WDR75: variants seen among roughly 807,000 people sequenced by gnomAD.
WDR75 encodes WD repeat domain 75.
In WDR75, 52 loss-of-function variants were observed where a neutral mutation model predicts 106.1. The observed-to-expected ratio is 0.49, with a 90% CI of 0.39 to 0.62. WDR75 has a LOEUF of 0.62. Among genes scored for constraint, WDR75 ranks in the 20% least tolerant of loss-of-function variants. The probability of loss-of-function intolerance (pLI) is 0.00; values close to 1 mark genes in which losing one functional copy is unlikely to be tolerated. For missense variants in WDR75, 905 were observed against 970.3 expected (o/e 0.93, Z 0.89); for synonymous variants, 333 against 335.5 (o/e 0.99, Z 0.08).
In WDR75 at chr2:189,465,048, T is replaced by A. The variant is rs1434890602; in HGVS notation, c.1114-31T>A. On this transcript the variant is annotated intron_variant, in intron 11 of 20. Coordinates refer to ENST00000314761, the MANE Select transcript of WDR75 (RefSeq NM_032168.3). ...ATTTGTGTATTTATGTTAATAAACA[T>A]TTTGGTTTTTTGGTTTTTTTTACTC... is the stretch of plus-strand genomic sequence containing the variant. 6 of 1,454,160 alleles carry A rather than the reference T, an allele frequency of 4.1e-6. No homozygotes were observed. The East Asian group carries it at 1.4e-4, about 33-fold the overall frequency. 90.1% of individuals were successfully genotyped at this position (1,454,160 alleles called of 1,614,324 possible). A position where few individuals can be genotyped will look rare whatever the true frequency, so the allele number is the denominator to read the frequency against.
At chr2:189,460,154 G>C (rs1686846499) in intron 8 of WDR75, among the ~76,000 whole-genome samples, 2 of 152,152 alleles carry the variant, frequency 1.3e-5, no homozygotes, top group African/African-American at 2.4e-5. Context: ...CAGTTTATTT[G>C]ACTGGTTCTT....
chr2:189,444,860 A>G (rs1215065613), intron 1 of WDR75, among the ~76,000 whole-genome samples: 1 of 152,170 alleles, frequency 6.6e-6, no homozygotes, highest in Non-Finnish European at 1.5e-5. Context: ...TCTTGTATAT[A>G]ATCATACCAT....
At position 189,457,372 on chromosome 2, in the gene WDR75, C is replaced by A. The variant is rs1479093188; in HGVS notation, c.560C>A (p.Thr187Lys). ...YLSVYFFKKK[T>K]TSRFTLSSSR... ...TCTGTTTATTTTTTCAAAAAGAAAA[C>A]AACATCAAGGTAAGAATTATTTTTT... Residue 187 changes from threonine (T) to lysine (K), a missense_variant, in exon 6 of 21, where the codon ACA (threonine) becomes AAA (lysine). Thr to Lys is a moderately conservative substitution (Grantham distance 78, BLOSUM62 -1). Transcript: ENST00000314761. 1.3e-6 allele frequency: 2 copies of A among 1,590,120 alleles called. No individual in the cohort carries two copies. The highest frequency in any genetic ancestry group is 8.6e-7 in the Non-Finnish European group (1 of 1,160,110).
chr2:189,473,264 G>A (rs1687150919), intron 18 of WDR75, among the ~76,000 whole-genome samples: 1 of 151,882 alleles, frequency 6.6e-6, no homozygotes, highest in African/African-American at 2.4e-5. Flanking sequence ...TTCATTAAGT[G>A]GAAATAGATC....
At chr2:189,471,470 G>A (rs187038053) in intron 18 of WDR75, among the ~76,000 whole-genome samples, 119 of 152,268 alleles carry the variant, frequency 7.8e-4, no homozygotes, top group African/African-American at 2.6e-3. Flanking sequence ...TAGGCAGATT[G>A]TTTTTCCTTT....
rs1222207201 is a variant in WDR75 at position 189,473,934 on chromosome 2, G to A, written c.2050-252G>A. 2.0e-5 allele frequency among the ~76,000 whole-genome samples: 3 copies of A among 152,116 alleles called. No homozygotes were observed. The East Asian group carries it at 5.8e-4, about 29-fold the overall frequency. ...AAACCCTTTTGCTGTCATTTTTGTGGGATTTGGTGAAGAAGCAGTGGTAAA... is the reference window on the plus strand; with the variant it reads ...AAACCCTTTTGCTGTCATTTTTGTGAGATTTGGTGAAGAAGCAGTGGTAAA... On this transcript the variant is annotated intron_variant, in intron 18 of 20. Coordinates refer to ENST00000314761, the MANE Select transcript of WDR75 (RefSeq NM_032168.3).
At chr2:189,457,481 A>G (rs1686765038) in intron 6 of WDR75, 100 bp downstream of exon 6, 1 of 722,740 alleles carries the variant, frequency 1.4e-6, no homozygotes, top group Non-Finnish European at 2.3e-6. Flanking sequence ...TCCTAGTTTT[A>G]TGTTGCAAGA....
At chr2:189,451,599 C>T (rs1322413892) in intron 3 of WDR75, among the ~76,000 whole-genome samples, 1 of 152,152 alleles carries the variant, frequency 6.6e-6, no homozygotes, top group Non-Finnish European at 1.5e-5. Context: ...ATGATACATT[C>T]AGTACAATAC....
At chr2:189,471,811 G>A (rs1019691571) in intron 18 of WDR75, among the ~76,000 whole-genome samples, 1 of 152,042 alleles carries the variant, frequency 6.6e-6, no homozygotes, top group Non-Finnish European at 1.5e-5. Context: ...CCCCTGTTTT[G>A]GTGAAGCATT....
intron 7 of WDR75, 27 bp downstream of exon 7, chr2:189,458,899 G>C (rs767798155): frequency 3.7e-5 from 58 of 1,588,092 alleles, no homozygotes; most frequent in Non-Finnish European, 4.7e-5. Context: ...AGAGCATGGC[G>C]ATCATTTATG....
chr2:189,462,271 G>A (rs75115198), intron 8 of WDR75, among the ~76,000 whole-genome samples: 9,835 of 152,038 alleles, frequency 0.065, 495 homozygotes, highest in African/African-American at 0.14. Context: ...GAGTTGGTCA[G>A]CAACAAACTA....
rs1686549408 is a variant in WDR75 at position 189,448,589 on chromosome 2, A to G, written c.216+81A>G. The G allele has an allele frequency of 1.6e-5, 24 of 1,537,984 alleles. 1 individual carries two copies. The South Asian group carries it at 2.9e-4, about 19-fold the overall frequency. On this transcript the variant is annotated intron_variant, in intron 2 of 20. Transcript: ENST00000314761. ...AATTTGAGTTGAATTTGACTGAGAA[A>G]CTTTCCAGGTTATAAGTAAAATATT...
intron 5 of WDR75, among the ~76,000 whole-genome samples, chr2:189,457,060 G>T (rs1436140875): frequency 6.6e-6 from 1 of 152,014 alleles, no homozygotes; most frequent in Non-Finnish European, 1.5e-5. Context: ...TGGCCAACAT[G>T]GTGAAACCCA....
intron 1 of WDR75, among the ~76,000 whole-genome samples, chr2:189,444,753 A>G (rs183673515): frequency 1.8e-4 from 27 of 152,166 alleles, no homozygotes; most frequent in African/African-American, 5.8e-4. Context: ...ATGGCTTTCA[A>G]TCCCTTCTCT....
chr2:189,455,370 G>A lies in WDR75; in HGVS notation c.424G>A (p.Val142Ile), dbSNP rs1686711618. Residue 142 changes from valine to isoleucine, a missense_variant, in exon 5 of 21, where the codon GTA becomes ATA. Transcript: ENST00000314761. Reference protein sequence around the residue: ...VKLPKSSSQEVEAKELSFVLD... With the variant: ...VKLPKSSSQEIEAKELSFVLD... ...ACTGCCAAAATCCTCAAGCCAGGAA[G>A]TAGAAGCCAAGGAGCTGTCCTTTGT... 1.2e-6 allele frequency: 2 copies of A among 1,614,168 alleles called. No individual in the cohort carries two copies. Among genetic ancestry groups the A allele is most frequent in the Non-Finnish European group, 1.7e-6 (2 of 1,179,994 alleles).
chr2:189,459,199 T>C (rs1423726664), intron 7 of WDR75, 137 bp from the exon 8 acceptor site: 3 of 653,852 alleles, frequency 4.6e-6, no homozygotes, highest in South Asian at 2.4e-5. Context: ...AAATAGAAAA[T>C]GTGCACATTA....
rs1558991542 is a variant in WDR75, at chr2:189,475,507, T to C, written c.*90T>C. Reference sequence around the variant, plus strand: ...ATCTATTTTAATGTTATTTCTGTTCTAAAAATAAGATAATAAATATTAACA... The same window carrying C: ...ATCTATTTTAATGTTATTTCTGTTCCAAAAATAAGATAATAAATATTAACA... On this transcript the variant is annotated 3_prime_UTR_variant, in exon 21 of 21. Transcript: ENST00000314761. 6.2e-6 allele frequency: 5 copies of C among 804,706 alleles called. No individual in the cohort carries two copies. Among genetic ancestry groups the C allele is most frequent in the Non-Finnish European group, 9.3e-6 (5 of 538,898 alleles). 49.8% of individuals were successfully genotyped at this position (804,706 alleles called of 1,614,324 possible). A position where few individuals can be genotyped will look rare whatever the true frequency, so the allele number is the denominator to read the frequency against.
intron 7 of WDR75, 87 bp from the exon 8 acceptor site, chr2:189,459,249 A>G (rs577925856): frequency 6.4e-5 from 59 of 925,816 alleles, no homozygotes; most frequent in African/African-American, 3.9e-4. Context: ...TATGTTTGGT[A>G]TATATTATGT....
chr2:189,442,036 CAG>C (rs1686382430), intron 1 of WDR75, among the ~76,000 whole-genome samples: 1 of 152,178 alleles, frequency 6.6e-6, no homozygotes, highest in Non-Finnish European at 1.5e-5. Flanking sequence ...TACATGAAAA[CAG>C]ATGTTAGATT....
Sources: gnomAD v4.1 joint callset for allele counts (sites outside exome capture counted in the v4.1 genomes callset) on GRCh38, gnomAD v4.1.1 for gene constraint, MANE v1.5 for transcripts, NCBI Gene and HGNC (gene_info 2026-07-23, HGNC 2026-07-21) for gene names.